The following CYRIA variants were observed in gnomAD, a reference collection of about 807,000 sequenced individuals.
CYRIA encodes the protein CYFIP related Rac1 interactor A.
Under a neutral mutation model 43.9 loss-of-function variants are expected in CYRIA, and 15 were observed. The ratio of observed to expected loss-of-function variants is 0.34; its 90% confidence interval spans 0.23 to 0.53. CYRIA has a LOEUF of 0.53. Among genes scored for constraint, CYRIA ranks in the 20% least tolerant of loss-of-function variants. The pLI, the probability that CYRIA is intolerant of heterozygous loss-of-function variation, is 0.94. For missense variants in CYRIA, 236 were observed against 394.2 expected (o/e 0.60, Z 3.40); for synonymous variants, 117 against 136.0 (o/e 0.86, Z 0.97).
chr2:16,567,749 T>C (rs1666992130), intron 3 of CYRIA, among the ~76,000 whole-genome samples: 1 of 152,194 alleles, frequency 6.6e-6, no homozygotes, highest in Non-Finnish European at 1.5e-5. Flanking sequence ...CCAGAAACTT[T>C]GCAAACTATA....
chr2:16,591,322 G>A (rs952556091), intron 2 of CYRIA, among the ~76,000 whole-genome samples: 6 of 152,130 alleles, frequency 3.9e-5, no homozygotes, highest in Non-Finnish European at 2.9e-5. Flanking sequence ...ACATTTGTTG[G>A]AGATGGCTTA....
intron 1 of CYRIA, among the ~76,000 whole-genome samples, chr2:16,647,926 A>T (rs1669865426): frequency 6.6e-6 from 1 of 152,162 alleles, no homozygotes; most frequent in African/African-American, 2.4e-5. Context: ...TGGAGCCACC[A>T]CTACAGTAGT....
intron 1 of CYRIA, among the ~76,000 whole-genome samples, chr2:16,639,128 G>A (rs762139072): frequency 9.2e-5 from 14 of 152,180 alleles, no homozygotes; most frequent in Admixed American, 8.5e-4. Context: ...TGCAGCTGTC[G>A]CTGTTACTGT....
chr2:16,551,682 G>A lies in CYRIA; in HGVS notation c.*1254C>T, dbSNP rs1380341177. The A allele has an allele frequency of 2.6e-5, 4 of 152,162 alleles. No homozygotes were observed. The highest frequency in any genetic ancestry group is 9.7e-5 in the African/African-American group (4 of 41,450). 9.4% of individuals were successfully genotyped at this position (152,162 alleles called of 1,614,324 possible). ...ACAAGACAAGGTGGGGCAAATGCTTGCTGGATACTACGTACTAAGGAAGAA... is the reference window on the plus strand; with the variant it reads ...ACAAGACAAGGTGGGGCAAATGCTTACTGGATACTACGTACTAAGGAAGAA... On this transcript the variant is annotated 3_prime_UTR_variant, in exon 12 of 12. Coordinates refer to ENST00000381323, the MANE Select transcript of CYRIA (RefSeq NM_030797.4).
intron 1 of CYRIA, among the ~76,000 whole-genome samples, chr2:16,644,654 TG>T (rs1480573520): frequency 1.3e-5 from 2 of 152,242 alleles, no homozygotes; most frequent in South Asian, 2.1e-4. Context: ...TTCCGGGCTC[TG>T]ATTAAGTCAG....
At chr2:16,588,425 C>CAT (rs552097626) in intron 2 of CYRIA, among the ~76,000 whole-genome samples, 1 of 145,938 alleles carries the variant, frequency 6.9e-6, no homozygotes, top group South Asian at 2.2e-4. Context: ...TCTCGTTCAC[C>CAT]ATATAAAAAA....
chr2:16,606,118 C>T (rs1668388133), intron 2 of CYRIA, among the ~76,000 whole-genome samples: 1 of 152,182 alleles, frequency 6.6e-6, no homozygotes. Flanking sequence ...CCAGGCCCAT[C>T]AATCCAAGTG....
At chr2:16,655,005 T>G (rs1670070966) in intron 1 of CYRIA, among the ~76,000 whole-genome samples, 1 of 152,166 alleles carries the variant, frequency 6.6e-6, no homozygotes, top group Non-Finnish European at 1.5e-5. Context: ...TTACACAACC[T>G]ATGACCTTAC....
chr2:16,562,686 C>T (rs1006152025), intron 5 of CYRIA, among the ~76,000 whole-genome samples: 5 of 152,174 alleles, frequency 3.3e-5, no homozygotes. Context: ...TTTCTCTAAA[C>T]AGTCCCTTAT....
Position 16,582,714 on chromosome 2 carries a change from T to A in CYRIA, c.70+5336A>T, listed in dbSNP as rs560626222. On this transcript the variant is annotated intron_variant, in intron 3 of 11. Coordinates refer to ENST00000381323, the MANE Select transcript of CYRIA (RefSeq NM_030797.4). The stretch of plus-strand genomic sequence containing the variant: ...GTACTTCATTTTTTTAATTGATCAA[T>A]AATATTGCATTGAATTGATATAACA... Among the ~76,000 whole-genome samples the A allele has an allele frequency of 2.6e-5, 4 of 152,330 alleles. No individual in the cohort carries two copies. In the South Asian group the frequency reaches 8.3e-4, roughly 32 times the overall value.
intron 1 of CYRIA, among the ~76,000 whole-genome samples, chr2:16,653,672 T>G (rs1670029521): frequency 6.6e-6 from 1 of 152,132 alleles, no homozygotes; most frequent in Admixed American, 6.5e-5. Context: ...CACAACTCAT[T>G]GTAGGTGCTC....
intron 10 of CYRIA, among the ~76,000 whole-genome samples, chr2:16,555,438 C>G (rs1482584752): frequency 6.6e-6 from 1 of 152,086 alleles, no homozygotes; most frequent in Non-Finnish European, 1.5e-5. Context: ...ACTATGGAGC[C>G]AAATGCAGGG....
At chr2:16,629,857 TATA>T (rs34267330) in intron 1 of CYRIA, among the ~76,000 whole-genome samples, 19,653 of 152,110 alleles carry the variant, frequency 0.13, 1,913 homozygotes, top group East Asian at 0.51. Context: ...GACTATATGT[TATA>T]ATGTTATTCT....
chr2:16,657,089 C>T (rs1670136443), intron 1 of CYRIA, among the ~76,000 whole-genome samples: 1 of 152,214 alleles, frequency 6.6e-6, no homozygotes, highest in South Asian at 2.1e-4. Flanking sequence ...TCCTAGCCTC[C>T]ATGTCTTAAT....
chr2:16,606,395 G>C (rs1256158936), intron 2 of CYRIA, among the ~76,000 whole-genome samples: 2 of 150,298 alleles, frequency 1.3e-5, no homozygotes, highest in Non-Finnish European at 3.0e-5. Flanking sequence ...TCTCTCTCCA[G>C]TCTCTCTCTC....
rs184505153 is a variant in CYRIA at position 16,570,350 on chromosome 2, C to T, written c.71-4583G>A. 2.0e-5 allele frequency among the ~76,000 whole-genome samples: 3 copies of T among 152,250 alleles called. No individual in the cohort carries two copies. In the East Asian group the frequency reaches 5.8e-4, roughly 29 times the overall value. On this transcript the variant is annotated intron_variant, in intron 3 of 11. Coordinates refer to ENST00000381323, the MANE Select transcript of CYRIA (RefSeq NM_030797.4). Reference sequence around the variant, plus strand: ...TTCATTAACATCCATGTTCTCAAATCATCCATTATTGATCTACGGCCTGAA... The same window carrying T: ...TTCATTAACATCCATGTTCTCAAATTATCCATTATTGATCTACGGCCTGAA...
At chr2:16,661,485 G>A (rs1480145926) in intron 1 of CYRIA, among the ~76,000 whole-genome samples, 1 of 152,136 alleles carries the variant, frequency 6.6e-6, no homozygotes, top group African/African-American at 2.4e-5. Flanking sequence ...TTGTGCAAAG[G>A]AAGCTACTTC....
chr2:16,613,637 C>T (rs1019182439), intron 2 of CYRIA, among the ~76,000 whole-genome samples: 2 of 151,590 alleles, frequency 1.3e-5, no homozygotes, highest in African/African-American at 4.9e-5. Flanking sequence ...GTACCTTATC[C>T]ACTAAGGGGC....
At chr2:16,581,368 T>C (rs781284779) in intron 3 of CYRIA, among the ~76,000 whole-genome samples, 2 of 152,110 alleles carry the variant, frequency 1.3e-5, no homozygotes, top group African/African-American at 4.8e-5. Context: ...TCAGTTATTA[T>C]GGAAATGCAA....
Sources: allele counts gnomAD v4.1 joint callset (sites outside exome capture counted in the v4.1 genomes callset), GRCh38; gene constraint gnomAD v4.1.1; transcripts MANE v1.5; gene names NCBI Gene and HGNC (gene_info 2026-07-23, HGNC 2026-07-21).